Variants in FGD6 observed in about 807,000 individuals in gnomAD.
FGD6 encodes FYVE, RhoGEF and PH domain containing 6, also known as FYVE, RhoGEF and PH domain-containing protein 6.
Under a neutral mutation model 149.4 loss-of-function variants are expected in FGD6, and 90 were observed. The ratio of observed to expected loss-of-function variants is 0.60; its 90% CI spans 0.51 to 0.72. FGD6 has a LOEUF of 0.72. Among genes scored for constraint, FGD6 ranks in the 30% least tolerant of loss-of-function variants. The probability of loss-of-function intolerance (pLI) is 0.00; values close to 1 mark genes in which losing one functional copy is unlikely to be tolerated. For missense variants in FGD6, 1,437 were observed against 1,684.8 expected, an observed-to-expected ratio of 0.85 and a Z score of 2.57; for synonymous variants, 527 against 584.0, an observed-to-expected ratio of 0.90 and a Z score of 1.41.
At chr12:95,167,834 C>T (rs1205451365) in intron 3 of FGD6, among the ~76,000 whole-genome samples, 1 of 152,112 alleles carries the variant, frequency 6.6e-6, no homozygotes, top group East Asian at 1.9e-4. Context: ...CTCGACCTCC[C>T]AAAGTGCTGG....
intron 14 of FGD6, among the ~76,000 whole-genome samples, chr12:95,103,420 T>C (rs1228872352): frequency 1.3e-5 from 2 of 152,204 alleles, no homozygotes; most frequent in Non-Finnish European, 2.9e-5. Flanking sequence ...TTATGAGTCA[T>C]AGAGTTTCAG....
intron 14 of FGD6, among the ~76,000 whole-genome samples, chr12:95,102,279 A>G: frequency 6.6e-6 from 1 of 151,906 alleles, no homozygotes. Context: ...CCCTGTCTCT[A>G]CTAAAAATTA....
intron 3 of FGD6, among the ~76,000 whole-genome samples, chr12:95,159,944 C>A (rs1435812796): frequency 6.6e-6 from 1 of 151,922 alleles, no homozygotes; most frequent in African/African-American, 2.4e-5. Context: ...GAGTTTGAGG[C>A]TGCAGTGAGC....
chr12:95,093,438 G>C (rs1878132664), intron 15 of FGD6, among the ~76,000 whole-genome samples: 1 of 152,106 alleles, frequency 6.6e-6, no homozygotes, highest in South Asian at 2.1e-4. Flanking sequence ...CCAGCACTTT[G>C]GGAGGCCGAG....
intron 1 of FGD6, 143 bp from the exon 2 acceptor site, chr12:95,211,410 C>T (rs1250397049): frequency 3.1e-6 from 3 of 980,230 alleles, no homozygotes; most frequent in East Asian, 5.6e-5. Context: ...ATCAATATTA[C>T]TCCTGAAAAT....
In FGD6 at chr12:95,211,181, C is replaced by G. The variant is rs1180703198; in HGVS notation, c.103G>C (p.Asp35His). The part of the protein sequence containing the change: ...PAPPPIAPKP[D>H]IVISSVPQST... The stretch of plus-strand genomic sequence containing the variant: ...TGTGGAACACTAGAAATCACAATGT[C>G]GGGTTTAGGTGCAATAGGAGGTGGG... Residue 35 changes from aspartate (D) to histidine (H), a missense_variant, in exon 2 of 21, where the codon GAC becomes CAC. Asp to His is a moderately conservative substitution (Grantham distance 81). Around this residue, in one of 2 missense-constraint regions of FGD6, gnomAD observed 1,055 missense variants for 1,146.0 expected, o/e 0.92. Transcript: ENST00000343958. 3 of 1,613,992 alleles carry G rather than the reference C, an allele frequency of 1.9e-6. No individual in the cohort carries two copies. The highest frequency in any genetic ancestry group is 2.5e-6 in the Non-Finnish European group (3 of 1,180,010).
At chr12:95,195,692 C>T (rs1267879263) in intron 2 of FGD6, among the ~76,000 whole-genome samples, 1 of 1,602 alleles carries the variant, frequency 6.2e-4, no homozygotes. Flanking sequence ...TGGTGGCTCA[C>T]GCCTGGCCTT....
rs1366009888 is a variant in FGD6, at chr12:95,172,704, C to G, written c.2482G>C (p.Gly828Arg). 5.6e-6 allele frequency: 9 copies of G among 1,612,674 alleles called. No homozygotes were observed. Among genetic ancestry groups the G allele is most frequent in the Non-Finnish European group, 6.8e-6 (8 of 1,179,292 alleles). Residue 828 changes from glycine to arginine, a missense_variant, in exon 3 of 21, where the codon GGT becomes CGT. Gly to Arg is a moderately radical substitution (Grantham distance 125, BLOSUM62 -2). This residue lies in a region of FGD6 where 1,055 missense variants were observed against 1,146.0 expected (regional missense o/e 0.92). Coordinates refer to ENST00000343958, the MANE Select transcript of FGD6 (RefSeq NM_018351.4). ...SQEEQNDLGL[G>R]DLPSDEEEII... Reference sequence around the variant, plus strand: ...TCCTCCTCATCAGAGGGAAGGTCACCAAGACCAAGATCATTCTGTTCCTCC... The same window carrying G: ...TCCTCCTCATCAGAGGGAAGGTCACGAAGACCAAGATCATTCTGTTCCTCC...
At chr12:95,149,362 TTATA>T (rs1880218283) in intron 5 of FGD6, among the ~76,000 whole-genome samples, 1 of 114,182 alleles carries the variant, frequency 8.8e-6, no homozygotes, top group African/African-American at 3.4e-5. Flanking sequence ...ATATATTATA[TTATA>T]TATAGCACAT....
At chr12:95,149,196 TATATA>T (rs371564853) in intron 5 of FGD6, among the ~76,000 whole-genome samples, 288 of 4,822 alleles carry the variant, frequency 0.06, 142 homozygotes, top group African/African-American at 0.3. Flanking sequence ...ATATATAGCA[TATATA>T]ATATTATATA....
At chr12:95,148,039 AC>A (rs1392160341) in intron 5 of FGD6, among the ~76,000 whole-genome samples, 2 of 152,084 alleles carry the variant, frequency 1.3e-5, no homozygotes, top group East Asian at 3.8e-4. Flanking sequence ...AAACAAAGGT[AC>A]TCTGAACAAT....
intron 5 of FGD6, among the ~76,000 whole-genome samples, chr12:95,145,893 C>T (rs1291294346): frequency 1.3e-5 from 2 of 152,068 alleles, no homozygotes; most frequent in African/African-American, 4.8e-5. Flanking sequence ...AGACTGGTCT[C>T]GAACTCCTGA....
chr12:95,146,642 A>G (rs1415481461), intron 5 of FGD6, among the ~76,000 whole-genome samples: 2 of 152,194 alleles, frequency 1.3e-5, no homozygotes, highest in Non-Finnish European at 2.9e-5. Context: ...TGCATGCAAA[A>G]TTGAACCACC....
chr12:95,170,000 A>AAT (rs1398006426), intron 3 of FGD6, among the ~76,000 whole-genome samples: 1 of 151,912 alleles, frequency 6.6e-6, no homozygotes, highest in Admixed American at 6.6e-5. Context: ...GGGTGCCCAT[A>AAT]ATCCCAGCTA....
chr12:95,171,778 G>C (rs1380391091), intron 3 of FGD6, among the ~76,000 whole-genome samples: 1 of 152,072 alleles, frequency 6.6e-6, no homozygotes, highest in Non-Finnish European at 1.5e-5. Flanking sequence ...GTCTCCCAAA[G>C]TGCTGGGATT....
At chr12:95,204,843 T>G (rs2056685450) in intron 2 of FGD6, among the ~76,000 whole-genome samples, 1 of 152,208 alleles carries the variant, frequency 6.6e-6, no homozygotes, top group Non-Finnish European at 1.5e-5. Flanking sequence ...TTCACCACCA[T>G]TTCAAAGCTG....
chr12:95,126,423 T>TAA (rs199763014), intron 8 of FGD6: 2 of 1,187,436 alleles, frequency 1.7e-6, no homozygotes, highest in African/African-American at 3.1e-5. Context: ...AAAGGTTCTT[T>TAA]AAAAAAAACA....
chr12:95,201,219 C>A (rs2056660876), intron 2 of FGD6, among the ~76,000 whole-genome samples: 2 of 152,108 alleles, frequency 1.3e-5, no homozygotes, highest in Admixed American at 6.5e-5. Flanking sequence ...ACGCCCAGAT[C>A]TGGAATTCCC....
intron 7 of FGD6, among the ~76,000 whole-genome samples, chr12:95,135,745 G>A (rs1240272418): frequency 6.6e-6 from 1 of 152,138 alleles, no homozygotes; most frequent in Non-Finnish European, 1.5e-5. Context: ...ACCACTATCT[G>A]GTACACAGAG....
Sources: gnomAD v4.1 joint callset for allele counts (sites outside exome capture counted in the v4.1 genomes callset) on GRCh38, gnomAD v4.1.1 for gene constraint, gnomAD v4.1.1 regional missense constraint, MANE v1.5 for transcripts, NCBI Gene and HGNC (gene_info 2026-07-23, HGNC 2026-07-21) for gene names.